L3MBTL3: variants seen among roughly 807,000 people sequenced by gnomAD.
L3MBTL3 encodes lethal(3)malignant brain tumor-like protein 3.
A neutral mutation model predicts 102.3 loss-of-function variants in L3MBTL3; 27 were observed. The observed-to-expected ratio is 0.26, with a 90% CI of 0.19 to 0.36. The LOEUF (loss-of-function observed/expected upper bound fraction) is 0.36, where lower values mean the gene tolerates loss of function less well. Among genes scored for constraint, L3MBTL3 ranks in the 10% least tolerant of loss-of-function variants. The pLI, the probability that L3MBTL3 is intolerant of heterozygous loss-of-function variation, is 1.00. For missense variants in L3MBTL3, 798 were observed against 955.3 expected (o/e 0.84, Z 2.17); for synonymous variants, 340 against 320.9 (o/e 1.06, Z -0.64).
chr6:130,134,151 T>C (rs1045537365), intron 22 of L3MBTL3, among the ~76,000 whole-genome samples: 9 of 152,198 alleles, frequency 5.9e-5, no homozygotes, highest in Admixed American at 5.2e-4. Flanking sequence ...ACTAGGCTCC[T>C]TATAAAAAGA....
intron 2 of L3MBTL3, among the ~76,000 whole-genome samples, chr6:130,032,537 A>G (rs62421321): frequency 0.065 from 9,888 of 152,268 alleles, 477 homozygotes; most frequent in Non-Finnish European, 0.1. Flanking sequence ...AAACCAGATA[A>G]TTATAACAAG....
rs1779905355 is a variant in L3MBTL3 at position 130,034,226 on chromosome 6, C to G, written c.-15-8459C>G. Among the ~76,000 whole-genome samples, 2 of 152,112 alleles carry G rather than the reference C, an allele frequency of 1.3e-5. 1 individual carries two copies. The highest frequency in any genetic ancestry group is 4.1e-4 in the South Asian group (2 of 4,828). Reference sequence around the variant, plus strand: ...TGAAGGACACACAAACTGTTTATCTCTAGTCAAAATGAGATACAGTAGATT... The same window carrying G: ...TGAAGGACACACAAACTGTTTATCTGTAGTCAAAATGAGATACAGTAGATT... On this transcript the variant is annotated intron_variant, in intron 2 of 22. Transcript: ENST00000361794.
At position 130,030,520 on chromosome 6, in the gene L3MBTL3, AG is replaced by A. The variant is rs1779646925; in HGVS notation, c.-16+8216del. ...TACTGAACAAAATACAAAAAAAATTAGCCGGGCATGGTGGCGGGTGCCTGTA... is the reference window on the plus strand; with the variant it reads ...TACTGAACAAAATACAAAAAAAATTACCGGGCATGGTGGCGGGTGCCTGTA... On this transcript the variant is annotated intron_variant, in intron 2 of 22. Coordinates refer to ENST00000361794, the MANE Select transcript of L3MBTL3 (RefSeq NM_032438.4). Among the ~76,000 whole-genome samples the A allele has an allele frequency of 7.2e-5, 11 of 152,080 alleles. No homozygotes were observed. The South Asian group carries it at 2.3e-3, about 32-fold the overall frequency.
chr6:130,020,806 T>G (rs536424253), intron 1 of L3MBTL3: 1 of 151,210 alleles, frequency 6.6e-6, no homozygotes, highest in African/African-American at 2.4e-5. Flanking sequence ...TCGGGCGCTG[T>G]GAGCACGGCC....
At chr6:130,052,834 T>A (rs1275409394) in intron 6 of L3MBTL3, 25 bp from the exon 7 acceptor site, 1 of 1,607,662 alleles carries the variant, frequency 6.2e-7, no homozygotes, top group South Asian at 1.1e-5. Context: ...CTCTTGTCAC[T>A]ATTTTGGGTT....
intron 1 of L3MBTL3, among the ~76,000 whole-genome samples, chr6:130,021,409 C>G (rs1191036280): frequency 6.6e-6 from 1 of 152,224 alleles, no homozygotes; most frequent in African/African-American, 2.4e-5. Flanking sequence ...TCTGAGGACT[C>G]AGACCCTGTA....
chr6:130,136,145 A>G (rs1334625814), intron 22 of L3MBTL3, among the ~76,000 whole-genome samples: 1 of 152,156 alleles, frequency 6.6e-6, no homozygotes, highest in Non-Finnish European at 1.5e-5. Flanking sequence ...TTAGTGCAGT[A>G]ACCTCCAAAC....
intron 2 of L3MBTL3, among the ~76,000 whole-genome samples, chr6:130,037,020 G>A (rs1780107308): frequency 6.6e-6 from 1 of 152,110 alleles, no homozygotes; most frequent in South Asian, 2.1e-4. Context: ...TTTCTTCAGT[G>A]TAGACTAGAG....
At chr6:130,024,993 C>T (rs1223349054) in intron 2 of L3MBTL3, among the ~76,000 whole-genome samples, 3 of 152,102 alleles carry the variant, frequency 2.0e-5, no homozygotes, top group South Asian at 2.1e-4. Flanking sequence ...TTTAGTGCTT[C>T]GCCTTCAGAA....
Position 130,133,692 on chromosome 6 carries a change from G to T in L3MBTL3, c.2136+71G>T. ...TGGCTTAAGAGGTGTGGAACATTGA[G>T]CGTAGGTAGCGTTTAGTCTTTTTTT... On this transcript the variant is annotated intron_variant, in intron 21 of 22. Transcript: ENST00000361794. The surrounding 1 kb of genome is among the most constrained non-coding windows in gnomAD (Gnocchi z 4.9). The T allele has an allele frequency of 1.9e-6, 3 of 1,563,442 alleles. No homozygotes were observed. The highest frequency in any genetic ancestry group is 2.6e-6 in the Non-Finnish European group (3 of 1,146,822).
intron 3 of L3MBTL3, 95 bp downstream of exon 3, chr6:130,042,896 A>T: frequency 1.2e-6 from 1 of 829,894 alleles, no homozygotes; most frequent in Non-Finnish European, 2.0e-6. Context: ...AATTAAAAGC[A>T]TTAATCATAG....
Position 130,125,761 on chromosome 6 carries a change from C to T in L3MBTL3, c.1966+4803C>T, listed in dbSNP as rs1786557639. ...GGCCTGGGGTTGGGAGAGAATGCCC[C>T]TTGCAGTGTGGGTAGCATTTATTCT... On this transcript the variant is annotated intron_variant, in intron 20 of 22. Coordinates refer to ENST00000361794, the MANE Select transcript of L3MBTL3 (RefSeq NM_032438.4). Among the ~76,000 whole-genome samples the T allele has an allele frequency of 2.6e-5, 4 of 152,218 alleles. No homozygotes were observed. The South Asian group carries it at 8.3e-4, about 32-fold the overall frequency.
rs779072444 is a variant in L3MBTL3 at position 130,052,954 on chromosome 6, ACAC to A, written c.548_550del (p.Thr183del). On this transcript the variant is annotated inframe_deletion, in exon 7 of 23. Transcript: ENST00000361794. ...AAACCAAAATTATCTCTGAAAGCTGACACCAAGGAGGATGGAGAAGAGAGAGAT... is the reference window on the plus strand; with the variant it reads ...AAACCAAAATTATCTCTGAAAGCTGACAAGGAGGATGGAGAAGAGAGAGAT... The A allele has an allele frequency of 6.8e-6, 11 of 1,613,776 alleles. No individual in the cohort carries two copies. In the Admixed American group the frequency reaches 1.0e-4, roughly 15 times the overall value.
In L3MBTL3 at chr6:130,078,418, G is replaced by T. The variant is rs943401279; in HGVS notation, c.1245-140G>T. 8 of 546,782 alleles carry T rather than the reference G, an allele frequency of 1.5e-5. No homozygotes were observed. In the African/African-American group the frequency reaches 1.6e-4, roughly 11 times the overall value. 33.9% of individuals were successfully genotyped at this position (546,782 alleles called of 1,614,324 possible). A position where few individuals can be genotyped will look rare whatever the true frequency, so the allele number is the denominator to read the frequency against. The stretch of plus-strand genomic sequence containing the variant: ...ATATATTAAAAAGTTCTTTGGTTTA[G>T]CATTTTTTTCCAAATTAGATTGATT... On this transcript the variant is annotated intron_variant, in intron 13 of 22. Transcript: ENST00000361794.
At chr6:130,020,039 T>C (rs935870258) in intron 1 of L3MBTL3, among the ~76,000 whole-genome samples, 1 of 20,134 alleles carries the variant, frequency 5.0e-5, no homozygotes, top group African/African-American at 2.0e-4. Flanking sequence ...GGGGGGAGGG[T>C]GGGGGCGGCG....
chr6:130,037,504 A>G (rs1780135179), intron 2 of L3MBTL3, among the ~76,000 whole-genome samples: 1 of 151,944 alleles, frequency 6.6e-6, no homozygotes, highest in Admixed American at 6.6e-5. Context: ...GTTTAGTGAG[A>G]GAGAAGTCAT....
chr6:130,084,009 T>A (rs1373877360), intron 15 of L3MBTL3, among the ~76,000 whole-genome samples: 3 of 152,158 alleles, frequency 2.0e-5, no homozygotes, highest in Non-Finnish European at 2.9e-5. Flanking sequence ...TCTTTTTAGC[T>A]AGATGTTCTA....
intron 13 of L3MBTL3, among the ~76,000 whole-genome samples, chr6:130,077,423 C>A (rs7775507): frequency 0.054 from 8,125 of 151,860 alleles, 328 homozygotes; most frequent in Admixed American, 0.13. Flanking sequence ...AAATAATGAC[C>A]AGAAAAATAG....
intron 10 of L3MBTL3, among the ~76,000 whole-genome samples, chr6:130,063,927 G>T (rs1161879629): frequency 6.6e-6 from 1 of 152,198 alleles, no homozygotes; most frequent in Non-Finnish European, 1.5e-5. Context: ...CTTCAGCTGG[G>T]AACATGCATG....
Sources: allele counts gnomAD v4.1 joint callset (sites outside exome capture counted in the v4.1 genomes callset), GRCh38; gene constraint gnomAD v4.1.1; non-coding constraint Gnocchi (gnomAD v3.1); transcripts MANE v1.5; gene names NCBI Gene and HGNC (gene_info 2026-07-23, HGNC 2026-07-21).